The following WWC2 variants were observed in gnomAD, a reference collection of about 807,000 sequenced individuals.
WWC2 encodes protein WWC2.
Under a neutral mutation model 138.5 loss-of-function variants are expected in WWC2, and 101 were observed. The observed-to-expected ratio is 0.73, with a 90% confidence interval of 0.62 to 0.86. The LOEUF (loss-of-function observed/expected upper bound fraction) is 0.86. Among genes scored for constraint, WWC2 ranks in the 40% least tolerant of loss-of-function variants. The probability of loss-of-function intolerance (pLI) is 0.00; values close to 1 mark genes in which losing one functional copy is unlikely to be tolerated. For missense variants in WWC2, 1,420 were observed against 1,419.4 expected (o/e 1.00, Z -0.01); for synonymous variants, 558 against 538.4 (o/e 1.04, Z -0.50).
chr4:183,119,799 G>T (rs534479557), intron 1 of WWC2, among the ~76,000 whole-genome samples: 1 of 152,274 alleles, frequency 6.6e-6, no homozygotes, highest in Non-Finnish European at 1.5e-5. Flanking sequence ...CCCATTGAGG[G>T]AAGTTTTTTA....
chr4:183,152,388 A>T (rs1037016481), intron 1 of WWC2, among the ~76,000 whole-genome samples: 3 of 152,044 alleles, frequency 2.0e-5, no homozygotes, highest in African/African-American at 7.2e-5. Flanking sequence ...ACTTCCAGCT[A>T]CTTGGGAGGC....
intron 1 of WWC2, among the ~76,000 whole-genome samples, chr4:183,189,513 A>G (rs1734929211): frequency 6.6e-6 from 1 of 152,184 alleles, no homozygotes; most frequent in Non-Finnish European, 1.5e-5. Flanking sequence ...GACTGTGGAA[A>G]GATTTCTAGT....
chr4:183,117,580 C>G (rs1732454612), intron 1 of WWC2, among the ~76,000 whole-genome samples: 1 of 151,826 alleles, frequency 6.6e-6, no homozygotes, highest in Non-Finnish European at 1.5e-5. Context: ...CTACTATAAT[C>G]CAAGAAAGCC....
At chr4:183,180,468 C>T (rs1250692672) in intron 1 of WWC2, among the ~76,000 whole-genome samples, 1 of 152,126 alleles carries the variant, frequency 6.6e-6, no homozygotes, top group East Asian at 1.9e-4. Context: ...CCTGGCCAGT[C>T]TCACCAAGCT....
intron 4 of WWC2, among the ~76,000 whole-genome samples, chr4:183,222,774 G>A (rs1382636689): frequency 6.6e-6 from 1 of 152,002 alleles, no homozygotes; most frequent in Admixed American, 6.5e-5. Context: ...ACTGGCCAAC[G>A]TGGTGAAAAC....
Position 183,106,203 on chromosome 4 carries a change from C to T in WWC2, c.131+6581C>T, listed in dbSNP as rs566146476. Among the ~76,000 whole-genome samples the T allele has an allele frequency of 4.6e-5, 7 of 152,002 alleles. No individual in the cohort carries two copies. In the East Asian group the frequency reaches 9.7e-4, roughly 21 times the overall value. ...TTCACCATGTTGGCCAGGCTAGTCT[C>T]GAACTTCTGACCTCAGGTGATCTGC... On this transcript the variant is annotated intron_variant, in intron 1 of 22. Coordinates refer to ENST00000403733, the MANE Select transcript of WWC2 (RefSeq NM_024949.6).
chr4:183,205,740 T>C (rs1029282987), intron 2 of WWC2, among the ~76,000 whole-genome samples: 3 of 152,214 alleles, frequency 2.0e-5, no homozygotes, highest in African/African-American at 2.4e-5. Context: ...AGCTCTGTTG[T>C]TAAGGTGTAA....
Position 183,209,115 on chromosome 4 carries a change from C to T in WWC2, c.522+90C>T, listed in dbSNP as rs1204859291. On this transcript the variant is annotated intron_variant, in intron 4 of 22. Coordinates refer to ENST00000403733, the MANE Select transcript of WWC2 (RefSeq NM_024949.6). ...GGGCTTTAGTGATCAGTTCTCATCT[C>T]CATTTGGTGTAGAAAACTCCTCCCC... 1.1e-5 allele frequency: 10 copies of T among 889,034 alleles called. No individual in the cohort carries two copies. In the African/African-American group the frequency reaches 1.7e-4, roughly 15 times the overall value. The allele number at this position is 889,034 out of a possible 1,614,324, so 55.1% of individuals were successfully genotyped here. A position where few individuals can be genotyped will look rare whatever the true frequency, so the allele number is the denominator to read the frequency against.
intron 1 of WWC2, among the ~76,000 whole-genome samples, chr4:183,188,423 C>G (rs947433935): frequency 6.6e-6 from 1 of 151,392 alleles, no homozygotes; most frequent in Non-Finnish European, 1.5e-5. Context: ...ATTTTAGTAG[C>G]GATGGATTTT....
At chr4:183,111,977 C>A (rs1391417280) in intron 1 of WWC2, among the ~76,000 whole-genome samples, 1 of 152,148 alleles carries the variant, frequency 6.6e-6, no homozygotes, top group Non-Finnish European at 1.5e-5. Context: ...GGATTACAGG[C>A]GTGAGCCACC....
Position 183,318,131 on chromosome 4 carries a change from G to T in WWC2, c.*2402G>T, listed in dbSNP as rs191029395. The T allele has an allele frequency of 2.6e-5, 4 of 151,950 alleles. No individual in the cohort carries two copies. Among genetic ancestry groups the T allele is most frequent in the African/African-American group, 9.7e-5 (4 of 41,276 alleles). 9.4% of individuals were successfully genotyped at this position (151,950 alleles called of 1,614,324 possible). The stretch of plus-strand genomic sequence containing the variant: ...TAAAAGGTAGAATTTATTCGCACAG[G>T]GTAAAAAGAATGTAATATTTAGTTC... On this transcript the variant is annotated 3_prime_UTR_variant, in exon 23 of 23. Transcript: ENST00000403733.
chr4:183,203,711 T>G (rs1268255682), intron 2 of WWC2: 1 of 148,784 alleles, frequency 6.7e-6, no homozygotes, highest in African/African-American at 2.5e-5. Context: ...ATTTTGTTTT[T>G]ACAATAACCA....
intron 1 of WWC2, among the ~76,000 whole-genome samples, chr4:183,171,731 C>T (rs1466020124): frequency 2.0e-5 from 3 of 152,196 alleles, no homozygotes; most frequent in Non-Finnish European, 4.4e-5. Flanking sequence ...TCTCTACAGT[C>T]GACCACATTT....
intron 5 of WWC2, 60 bp from the exon 6 acceptor site, chr4:183,245,356 C>T: frequency 7.3e-7 from 1 of 1,369,132 alleles, no homozygotes; most frequent in Non-Finnish European, 9.5e-7. Flanking sequence ...TTCCTACTCT[C>T]TGTTTAACTT....
In WWC2 at chr4:183,111,654, CAGTGTTTG is replaced by C. The variant is rs1232221366; in HGVS notation, c.131+12036_131+12043del. Among the ~76,000 whole-genome samples, 653 of 151,232 alleles carry C rather than the reference CAGTGTTTG, an allele frequency of 4.3e-3. 4 individuals carry two copies. Among genetic ancestry groups the C allele is most frequent in the African/African-American group, 0.015 (608 of 41,256 alleles). The stretch of plus-strand genomic sequence containing the variant: ...TGTTCTTTTCTTATCTGCTGCTTAT[CAGTGTTTG>C]AGTTTGATAAAAACAGATCATTTAC... On this transcript the variant is annotated intron_variant, in intron 1 of 22. Transcript: ENST00000403733.
chr4:183,134,320 T>TG (rs200789493), intron 1 of WWC2, among the ~76,000 whole-genome samples: 6,302 of 150,280 alleles, frequency 0.042, 165 homozygotes, highest in African/African-American at 0.07. Flanking sequence ...TTGATTTTAC[T>TG]ATTTTTTTTT....
At chr4:183,219,854 T>G (rs1353639835) in intron 4 of WWC2, among the ~76,000 whole-genome samples, 2 of 152,210 alleles carry the variant, frequency 1.3e-5, no homozygotes, top group Non-Finnish European at 2.9e-5. Context: ...ATGCCTTTCA[T>G]AATTTCCAGG....
intron 2 of WWC2, among the ~76,000 whole-genome samples, chr4:183,201,103 G>C (rs1451237265): frequency 6.6e-6 from 1 of 152,156 alleles, no homozygotes; most frequent in East Asian, 1.9e-4. Flanking sequence ...GAGTTATAAT[G>C]AATATTTGAA....
At chr4:183,249,808 C>A in intron 7 of WWC2, 112 bp from the exon 8 acceptor site, 1 of 796,742 alleles carries the variant, frequency 1.3e-6, no homozygotes, top group Non-Finnish European at 2.0e-6. Context: ...TTCCCGATTT[C>A]AGTACCATCT....
Sources: gnomAD v4.1 joint callset for allele counts (sites outside exome capture counted in the v4.1 genomes callset) on GRCh38, gnomAD v4.1.1 for gene constraint, MANE v1.5 for transcripts, NCBI Gene and HGNC (gene_info 2026-07-23, HGNC 2026-07-21) for gene names.